Variants in ZNF239 observed in about 807,000 individuals in gnomAD.
ZNF239 encodes the protein zinc finger protein 239, also known as zinc finger protein (C2H2) homologous to mouse MOK-2.
In ZNF239, 16 loss-of-function variants were observed where a neutral mutation model predicts 27.5. The observed-to-expected ratio is 0.58, with a 90% CI of 0.39 to 0.88. The LOEUF (loss-of-function observed/expected upper bound fraction) is 0.88, where lower values mean the gene tolerates loss of function less well. ZNF239 is among the 40% of genes least tolerant of loss of function. The probability of loss-of-function intolerance (pLI) is 0.00; values close to 1 mark genes in which losing one functional copy is unlikely to be tolerated. For missense variants in ZNF239, 527 were observed against 551.9 expected (o/e 0.95, Z 0.45); for synonymous variants, 199 against 192.6 (o/e 1.03, Z -0.27).
intron 3 of ZNF239, among the ~76,000 whole-genome samples, chr10:43,558,428 CAAT>C (rs1836967873): frequency 6.6e-6 from 1 of 152,090 alleles, no homozygotes; most frequent in Non-Finnish European, 1.5e-5. Context: ...TCCTTGCTAA[CAAT>C]AACATTTCAT....
rs1018744342 is a variant in ZNF239, at chr10:43,557,319, T to G, written c.761A>C (p.Gln254Pro). 1 of 1,613,968 alleles carries G rather than the reference T, an allele frequency of 6.2e-7. No individual in the cohort carries two copies. Among genetic ancestry groups the G allele is most frequent in the Non-Finnish European group, 8.5e-7 (1 of 1,179,998 alleles). The change falls in exon 4 of 4, where the codon CAG (glutamine) becomes CCG (proline). Residue 254 changes from glutamine (Q) to proline (P), a missense_variant. Gln to Pro is a moderately conservative substitution (Grantham distance 76, BLOSUM62 -1). Coordinates refer to ENST00000374446, the MANE Select transcript of ZNF239 (RefSeq NM_001099282.2). ...AGGCTTCTCATCTGTGTGGACTGCC[T>G]GATGGATAAGCAGACTCGAGCTCCT... ...FTRSSSLLIH[Q>P]AVHTDEKPYK... is the part of the protein sequence containing the mutation.
At chr10:43,558,379 C>G (rs142448811) in intron 3 of ZNF239, among the ~76,000 whole-genome samples, 1 of 152,194 alleles carries the variant, frequency 6.6e-6, no homozygotes, top group Non-Finnish European at 1.5e-5. Flanking sequence ...CAAGGAAAGT[C>G]TTCCCTAACT....
In ZNF239 at chr10:43,556,558, T is replaced by C. The variant is rs1208267272; in HGVS notation, c.*145A>G. ...CAAAGTGCTTGATACTTAAATATTT[T>C]GAATGAGTGATTTTTCAGTGAGGGA... On this transcript the variant is annotated 3_prime_UTR_variant, in exon 4 of 4. Transcript: ENST00000374446. 1.9e-6 allele frequency: 2 copies of C among 1,072,472 alleles called. No individual in the cohort carries two copies. Among genetic ancestry groups the C allele is most frequent in the Admixed American group, 2.9e-5 (1 of 34,922 alleles). The allele number at this position is 1,072,472 out of a possible 1,614,324, so 66.4% of individuals were successfully genotyped here. A position where few individuals can be genotyped will look rare whatever the true frequency, so the allele number is the denominator to read the frequency against.
At position 43,556,964 on chromosome 10, in the gene ZNF239, C is replaced by T. The variant is rs1470043874; in HGVS notation, c.1116G>A (p.Glu372=). 6.2e-7 allele frequency: 1 copy of T among 1,613,006 alleles called. No homozygotes were observed. The highest frequency in any genetic ancestry group is 8.5e-7 in the Non-Finnish European group (1 of 1,179,804). Residue 372 remains glutamate, a synonymous_variant, in exon 4 of 4, where the codon GAG becomes GAA. Coordinates refer to ENST00000374446, the MANE Select transcript of ZNF239 (RefSeq NM_001099282.2). ...LHIHRCIHTG[E]KPYQCYECGK... ...CACACTCATAGCATTGGTAAGGCTT[C>T]TCTCCTGTGTGGATGCACCGGTGAA...
At chr10:43,561,026 G>A (rs1049817456) in intron 3 of ZNF239, among the ~76,000 whole-genome samples, 1 of 152,160 alleles carries the variant, frequency 6.6e-6, no homozygotes, top group Non-Finnish European at 1.5e-5. Context: ...GGCTGTTTTA[G>A]TCAAACGCCT....
chr10:43,558,736 A>C (rs982189450), intron 3 of ZNF239, among the ~76,000 whole-genome samples: 2 of 152,228 alleles, frequency 1.3e-5, no homozygotes, highest in African/African-American at 4.8e-5. Flanking sequence ...GGCATGAGTC[A>C]CCACACCCGG....
Position 43,557,159 on chromosome 10 carries a change from G to A in ZNF239, c.921C>T (p.His307=), listed in dbSNP as rs1175103242. Residue 307 remains histidine, a synonymous_variant, in exon 4 of 4, where the codon CAC becomes CAT. Coordinates refer to ENST00000374446, the MANE Select transcript of ZNF239 (RefSeq NM_001099282.2). ...CTCCAGTGTGGACTCGCTGGTGGAT[G>A]TGCAGTTTGGAGCTCTGACTAAAGC... The part of the protein sequence containing the change: ...GKGFSQSSKL[H]IHQRVHTGEK... 9 of 1,613,670 alleles carry A rather than the reference G, an allele frequency of 5.6e-6. No individual in the cohort carries two copies. Among genetic ancestry groups the A allele is most frequent in the East Asian group, 2.2e-5 (1 of 44,874 alleles).
Position 43,556,773 on chromosome 10 carries a change from C to T in ZNF239, c.1307G>A (p.Cys436Tyr), listed in dbSNP as rs201561964. The change falls in exon 4 of 4, where the codon TGT becomes TAT. Residue 436 changes from cysteine to tyrosine, a missense_variant. Physicochemically the swap from Cys to Tyr is radical, Grantham distance 194. Transcript: ENST00000374446. ...TGEKPYECSK[C>Y]GKGFSQSSNL... is the part of the protein sequence containing the mutation. Reference sequence around the variant, plus strand: ...GGAGCTCTGGCTGAAGCCCTTCCCACACTTGCTGCACTCATAGGGCTTCTC... The same window carrying T: ...GGAGCTCTGGCTGAAGCCCTTCCCATACTTGCTGCACTCATAGGGCTTCTC... 4 of 1,614,168 alleles carry T rather than the reference C, an allele frequency of 2.5e-6. No individual in the cohort carries two copies. Among genetic ancestry groups the T allele is most frequent in the East Asian group, 4.5e-5 (2 of 44,870 alleles).
intron 2 of ZNF239, chr10:43,570,294 G>C: frequency 2.0e-6 from 2 of 985,260 alleles, no homozygotes; most frequent in Non-Finnish European, 2.4e-6. Context: ...TGGAAAAGGA[G>C]GCTCAAGCCC....
intron 3 of ZNF239, chr10:43,564,149 G>T: frequency 7.6e-6 from 2 of 264,676 alleles, no homozygotes; most frequent in Non-Finnish European, 1.2e-5. Flanking sequence ...CTAGCCACCT[G>T]TTTAAACTAT....
intron 3 of ZNF239, among the ~76,000 whole-genome samples, chr10:43,567,097 T>C (rs1837711454): frequency 9.9e-6 from 1 of 100,726 alleles, no homozygotes; most frequent in South Asian, 4.3e-4. Context: ...GGAGACTCCG[T>C]CTCAAAACAA....
At chr10:43,566,437 C>T (rs2132281802) in intron 3 of ZNF239, among the ~76,000 whole-genome samples, 1 of 152,234 alleles carries the variant, frequency 6.6e-6, no homozygotes, top group South Asian at 2.1e-4. Flanking sequence ...ATGTAACTGC[C>T]GCCATGTCCT....
intron 3 of ZNF239, among the ~76,000 whole-genome samples, chr10:43,567,376 A>C (rs959940205): frequency 2.0e-5 from 3 of 152,080 alleles, no homozygotes; most frequent in Non-Finnish European, 4.4e-5. Flanking sequence ...AGGCAGGAGT[A>C]CAGAGAAGCA....
rs568974455 is a variant in ZNF239 at position 43,557,143 on chromosome 10, G to A, written c.937C>T (p.His313Tyr). 6.2e-7 allele frequency: 1 copy of A among 1,612,924 alleles called. No homozygotes were observed. Among genetic ancestry groups the A allele is most frequent in the Admixed American group, 1.7e-5 (1 of 59,962 alleles). Residue 313 changes from histidine to tyrosine, a missense_variant, in exon 4 of 4, where the codon CAC becomes TAC. Physicochemically the swap from His to Tyr is moderately conservative, Grantham distance 83. Transcript: ENST00000374446. ...CACTCATAGGGCTTCTCTCCAGTGTGGACTCGCTGGTGGATGTGCAGTTTG... is the reference window on the plus strand; with the variant it reads ...CACTCATAGGGCTTCTCTCCAGTGTAGACTCGCTGGTGGATGTGCAGTTTG... The part of the protein sequence containing the change: ...SSKLHIHQRV[H>Y]TGEKPYECEE...
At chr10:43,573,513 T>C in intron 2 of ZNF239, 124 bp downstream of exon 2, 1 of 574,002 alleles carries the variant, frequency 1.7e-6, no homozygotes, top group African/African-American at 2.0e-5. Flanking sequence ...CCTTAGTATC[T>C]TAATGTCCCT....
intron 3 of ZNF239, among the ~76,000 whole-genome samples, chr10:43,567,367 G>C (rs1837739632): frequency 6.6e-6 from 1 of 151,984 alleles, no homozygotes; most frequent in African/African-American, 2.4e-5. Context: ...TGTGGGGAAA[G>C]GCAGGAGTAC....
chr10:43,570,306 G>C lies in ZNF239; in HGVS notation c.-215-2285C>G, dbSNP rs183673158. 629 of 985,232 alleles carry C rather than the reference G, an allele frequency of 6.4e-4. 1 individual carries two copies. The African/African-American group carries it at 0.01, about 16-fold the overall frequency. The allele number at this position is 985,232 out of a possible 1,614,324, so 61.0% of individuals were successfully genotyped here. On this transcript the variant is annotated intron_variant, in intron 2 of 3. Coordinates refer to ENST00000374446, the MANE Select transcript of ZNF239 (RefSeq NM_001099282.2). Reference sequence around the variant, plus strand: ...GGCTGGAAAAGGAGGCTCAAGCCCCGGAGTAAAGGTGGGACAAACAAACAG... The same window carrying C: ...GGCTGGAAAAGGAGGCTCAAGCCCCCGAGTAAAGGTGGGACAAACAAACAG...
intron 3 of ZNF239, among the ~76,000 whole-genome samples, chr10:43,560,197 G>A (rs1233012477): frequency 1.3e-5 from 2 of 152,136 alleles, no homozygotes; most frequent in African/African-American, 2.4e-5. Flanking sequence ...TAAAATAAAT[G>A]ATCTGCCAAA....
intron 3 of ZNF239, among the ~76,000 whole-genome samples, chr10:43,564,746 C>A (rs558293700): frequency 1.9e-4 from 29 of 152,164 alleles, no homozygotes; most frequent in African/African-American, 6.5e-4. Flanking sequence ...CCAGGCTGGT[C>A]TCCAACTCCT....
Sources: allele counts gnomAD v4.1 joint callset (sites outside exome capture counted in the v4.1 genomes callset), GRCh38; gene constraint gnomAD v4.1.1; transcripts MANE v1.5; gene names NCBI Gene and HGNC (gene_info 2026-07-23, HGNC 2026-07-21).